The following RSPH14 variants were observed in gnomAD, a reference collection of about 807,000 sequenced individuals.
RSPH14 encodes radial spoke head 14 homolog, also known as rhabdoid tumor deletion region gene 1.
In RSPH14, 20 loss-of-function variants were observed where a neutral mutation model predicts 26.7. The ratio of observed to expected loss-of-function variants is 0.75; its 90% CI spans 0.53 to 1.09. The LOEUF (loss-of-function observed/expected upper bound fraction) is 1.09, where lower values mean the gene tolerates loss of function less well. Ranked by LOEUF, RSPH14 falls within the 50% of genes least tolerant of loss-of-function variation. The pLI, the probability that RSPH14 is intolerant of heterozygous loss-of-function variation, is 0.00. For missense variants in RSPH14, 449 were observed against 457.2 expected (o/e 0.98, Z 0.16); for synonymous variants, 177 against 189.3 (o/e 0.93, Z 0.53).
chr22:23,130,382 G>A (rs1211447356), intron 4 of RSPH14, among the ~76,000 whole-genome samples: 3 of 151,612 alleles, frequency 2.0e-5, no homozygotes, highest in Non-Finnish European at 4.4e-5. Flanking sequence ...ATGAACCCGG[G>A]AGGTGGAGGT....
At chr22:23,152,813 C>T in the RSPH14 span, among the ~76,000 whole-genome samples, 20 of 152,176 alleles carry the variant, frequency 1.3e-4, no homozygotes, top group African/African-American at 4.1e-4. Flanking sequence ...TGCTCAGTTT[C>T]GCTCAGTTTC....
the RSPH14 span, among the ~76,000 whole-genome samples, chr22:23,156,812 G>T: frequency 2.0e-5 from 3 of 152,100 alleles, no homozygotes; most frequent in South Asian, 6.2e-4. Context: ...TCGCCTCTTC[G>T]GGCCTCTCCT....
intron 4 of RSPH14, among the ~76,000 whole-genome samples, chr22:23,082,347 G>C (rs1429714562): frequency 6.6e-6 from 1 of 150,562 alleles, no homozygotes; most frequent in South Asian, 2.1e-4. Context: ...AAGTAGCTGG[G>C]ATTACAGGCG....
intron 4 of RSPH14, among the ~76,000 whole-genome samples, chr22:23,115,056 GCC>G (rs2069784065): frequency 1.3e-5 from 2 of 152,176 alleles, no homozygotes; most frequent in African/African-American, 4.8e-5. Context: ...GAGGTTTGAG[GCC>G]CCTAGTTGGG....
intron 4 of RSPH14, chr22:23,123,239 G>C: frequency 6.2e-7 from 1 of 1,614,188 alleles, no homozygotes; most frequent in Non-Finnish European, 8.5e-7. Context: ...CCGAGTACAA[G>C]GGCCAGAACA....
intron 4 of RSPH14, among the ~76,000 whole-genome samples, chr22:23,119,679 G>A (rs2069954656): frequency 1.3e-5 from 2 of 152,230 alleles, no homozygotes; most frequent in Non-Finnish European, 2.9e-5. Flanking sequence ...CTCAGCCTGC[G>A]TCAGGGACGC....
At chr22:23,109,992 A>C (rs2069600716) in intron 4 of RSPH14, among the ~76,000 whole-genome samples, 1 of 152,170 alleles carries the variant, frequency 6.6e-6, no homozygotes, top group Non-Finnish European at 1.5e-5. Flanking sequence ...CCAATTCTCC[A>C]ATCTGTCAAG....
chr22:23,178,588 G>C, the RSPH14 span, among the ~76,000 whole-genome samples: 3 of 152,224 alleles, frequency 2.0e-5, no homozygotes, highest in African/African-American at 7.2e-5. Context: ...TGGGTCCAAG[G>C]GACCAGGATG....
chr22:23,096,641 G>T (rs1373925663), intron 4 of RSPH14, among the ~76,000 whole-genome samples: 2 of 152,186 alleles, frequency 1.3e-5, no homozygotes, highest in Admixed American at 6.5e-5. Flanking sequence ...TCAGGGTGTG[G>T]AGGCCACAGG....
the RSPH14 span, among the ~76,000 whole-genome samples, chr22:23,172,957 A>T: frequency 6.6e-6 from 1 of 151,952 alleles, no homozygotes; most frequent in Non-Finnish European, 1.5e-5. Flanking sequence ...CTAAAAAAAA[A>T]AAAAGAATGT....
intron 4 of RSPH14, among the ~76,000 whole-genome samples, chr22:23,110,887 A>T (rs1294430549): frequency 6.6e-6 from 1 of 152,182 alleles, no homozygotes; most frequent in Non-Finnish European, 1.5e-5. Flanking sequence ...GGGGCAACTC[A>T]GGCCTCCCTG....
At chr22:23,161,471 A>G in the RSPH14 span, 1 of 1,573,458 alleles carries the variant, frequency 6.4e-7, no homozygotes, top group Non-Finnish European at 8.7e-7. Context: ...TTCCTGGTTG[A>G]TGCTAAATTA....
At chr22:23,100,886 G>C (rs533799876) in intron 4 of RSPH14, among the ~76,000 whole-genome samples, 4 of 152,220 alleles carry the variant, frequency 2.6e-5, no homozygotes, top group African/African-American at 9.7e-5. Flanking sequence ...GCCCAAGGCC[G>C]TCCTGTGAAC....
At chr22:23,060,963 T>C (rs1208198436) in intron 6 of RSPH14, among the ~76,000 whole-genome samples, 1 of 152,006 alleles carries the variant, frequency 6.6e-6, no homozygotes, top group Non-Finnish European at 1.5e-5. Context: ...TGCCCCAAGA[T>C]AAACACGCAG....
intron 3 of RSPH14, chr22:23,137,853 GCTGTAACA>G: frequency 5.6e-6 from 1 of 178,254 alleles, no homozygotes; most frequent in African/African-American, 2.4e-5. Flanking sequence ...TTCTAAAAGA[GCTGTAACA>G]CTGGGGTTTT....
chr22:23,153,122 A>C, the RSPH14 span: 2 of 1,613,768 alleles, frequency 1.2e-6, no homozygotes, highest in South Asian at 2.2e-5. Context: ...GGGATTCCCT[A>C]TAGCCTCCAG....
chr22:23,098,545 C>T (rs73384372), intron 4 of RSPH14, among the ~76,000 whole-genome samples: 1 of 152,230 alleles, frequency 6.6e-6, no homozygotes, highest in Non-Finnish European at 1.5e-5. Flanking sequence ...GCATTCAAGG[C>T]ACTTTCTAAA....
chr22:23,130,476 G>GAGAAAGAAAGAAGGAAAGAAAA (rs1569193094), intron 4 of RSPH14, among the ~76,000 whole-genome samples: 1 of 7,872 alleles, frequency 1.3e-4, no homozygotes, highest in Non-Finnish European at 2.0e-4. Context: ...AAAAAGAAAA[G>GAGAAAGAAAGAAGGAAAGAAAA]AGAAAGAAAG....
Position 23,059,655 on chromosome 22 carries a change from A to T in RSPH14, c.854T>A (p.Met285Lys), listed in dbSNP as rs755263911. 1 of 1,592,798 alleles carries T rather than the reference A, an allele frequency of 6.3e-7. No homozygotes were observed. Among genetic ancestry groups the T allele is most frequent in the Admixed American group, 1.8e-5 (1 of 56,786 alleles). The stretch of plus-strand genomic sequence containing the variant: ...GGTGGCATTCAGGCGCGCTATGGTC[A>T]TGGGGGAGTGCAGCAGCTCCAGGAG... ...GLLLELLHSP[M>K]TIARLNATKA... Residue 285 changes from methionine to lysine, a missense_variant, in exon 7 of 7, where the codon ATG (methionine) becomes AAG (lysine). Coordinates refer to ENST00000216036, the MANE Select transcript of RSPH14 (RefSeq NM_014433.3).
Sources: gnomAD v4.1 joint callset for allele counts (sites outside exome capture counted in the v4.1 genomes callset) on GRCh38, gnomAD v4.1.1 for gene constraint, MANE v1.5 for transcripts, NCBI Gene and HGNC (gene_info 2026-07-23, HGNC 2026-07-21) for gene names.